The following PLCH1 variants were observed in gnomAD, a reference collection of about 807,000 sequenced individuals.
PLCH1 encodes 1-phosphatidylinositol 4,5-bisphosphate phosphodiesterase eta-1.
A neutral mutation model predicts 126.7 loss-of-function variants in PLCH1; 60 were observed. The ratio of observed to expected loss-of-function variants is 0.47; its 90% CI spans 0.38 to 0.59. The LOEUF is 0.59. Among genes scored for constraint, PLCH1 ranks in the 20% least tolerant of loss-of-function variants. The pLI is 0.00. For synonymous variants in PLCH1, 719 were observed against 734.9 expected (o/e 0.98, Z 0.35); for missense variants, 1,723 against 2,040.0 (o/e 0.84, Z 2.99).
intron 22 of PLCH1, chr3:155,483,349 CTTAAG>C (rs1167759856): frequency 3.6e-5 from 56 of 1,539,344 alleles, no homozygotes; most frequent in Admixed American, 6.0e-5. Flanking sequence ...TGAGGATTAC[CTTAAG>C]TTGTTTCCTA....
At chr3:155,532,037 A>G (rs895473656) in intron 10 of PLCH1, among the ~76,000 whole-genome samples, 10 of 152,226 alleles carry the variant, frequency 6.6e-5, no homozygotes, top group Admixed American at 2.0e-4. Flanking sequence ...CATTCACAAA[A>G]TGGCTAACTC....
chr3:155,701,251 G>C (rs407212), intron 2 of PLCH1, among the ~76,000 whole-genome samples: 38,567 of 152,020 alleles, frequency 0.25, 5,219 homozygotes, highest in East Asian at 0.47. Context: ...GGGATTGTGG[G>C]TAATATTCTA....
intron 2 of PLCH1, among the ~76,000 whole-genome samples, chr3:155,635,350 A>C (rs143935111): frequency 0.012 from 1,866 of 152,200 alleles, 16 homozygotes; most frequent in South Asian, 0.021. Context: ...GTAAACTTTC[A>C]AGGCTGAAAG....
At chr3:155,663,597 T>G (rs1279971723) in intron 2 of PLCH1, among the ~76,000 whole-genome samples, 1 of 152,184 alleles carries the variant, frequency 6.6e-6, no homozygotes, top group Non-Finnish European at 1.5e-5. Flanking sequence ...GTAGGAAACA[T>G]TTACCCATTC....
intron 1 of PLCH1, among the ~76,000 whole-genome samples, chr3:155,715,741 T>C (rs1254710990): frequency 6.6e-6 from 1 of 151,218 alleles, no homozygotes; most frequent in South Asian, 2.1e-4. Flanking sequence ...GCCTTCCAAG[T>C]AACTAGAACT....
At chr3:155,458,771 T>C (rs73874804) in intron 21 of PLCH1, among the ~76,000 whole-genome samples, 7,628 of 152,264 alleles carry the variant, frequency 0.05, 326 homozygotes, top group African/African-American at 0.12. Flanking sequence ...TGAGATGCGA[T>C]GGTTTTATTT....
At chr3:155,456,506 C>G (rs779420600) in intron 21 of PLCH1, among the ~76,000 whole-genome samples, 35 of 152,182 alleles carry the variant, frequency 2.3e-4, no homozygotes, top group Non-Finnish European at 4.3e-4. Flanking sequence ...CATTCCCTAC[C>G]TGGGCAACCT....
chr3:155,720,391 TA>T (rs1747859897), intron 1 of PLCH1, among the ~76,000 whole-genome samples: 1 of 152,140 alleles, frequency 6.6e-6, no homozygotes, highest in African/African-American at 2.4e-5. Context: ...ATTATTTTTT[TA>T]TTTTTTTATT....
intron 2 of PLCH1, among the ~76,000 whole-genome samples, chr3:155,612,534 C>CA (rs112554702): frequency 1.7e-4 from 26 of 149,066 alleles, no homozygotes; most frequent in East Asian, 3.9e-4. Flanking sequence ...TAACAAACAA[C>CA]AAAAAAAAAA....
chr3:155,673,254 C>T (rs1158399835), intron 2 of PLCH1, among the ~76,000 whole-genome samples: 1 of 151,892 alleles, frequency 6.6e-6, no homozygotes, highest in African/African-American at 2.4e-5. Context: ...TACTCAGGTA[C>T]CACTGGAATG....
intron 21 of PLCH1, among the ~76,000 whole-genome samples, chr3:155,451,526 T>C (rs979136224): frequency 1.3e-5 from 2 of 152,172 alleles, no homozygotes; most frequent in Admixed American, 1.3e-4. Context: ...ACATTACTTA[T>C]GGGAATGTCT....
chr3:155,688,229 G>A (rs1018170684), intron 2 of PLCH1, among the ~76,000 whole-genome samples: 1 of 152,110 alleles, frequency 6.6e-6, no homozygotes, highest in African/African-American at 2.4e-5. Context: ...ACACACAGAG[G>A]CCCTGAAATG....
At chr3:155,684,909 T>C (rs539918124) in intron 2 of PLCH1, among the ~76,000 whole-genome samples, 1 of 152,318 alleles carries the variant, frequency 6.6e-6, no homozygotes, top group African/African-American at 2.4e-5. Flanking sequence ...TCTTCTCATA[T>C]TATTTCCCCC....
At chr3:155,655,013 C>T (rs1000165532) in intron 2 of PLCH1, among the ~76,000 whole-genome samples, 1 of 152,202 alleles carries the variant, frequency 6.6e-6, no homozygotes, top group Non-Finnish European at 1.5e-5. Context: ...TGTCACAGGG[C>T]CTTTGCACTT....
intron 1 of PLCH1, among the ~76,000 whole-genome samples, chr3:155,705,584 A>G (rs536504769): frequency 6.6e-6 from 1 of 152,306 alleles, no homozygotes; most frequent in Non-Finnish European, 1.5e-5. Context: ...TTTAGAAAGT[A>G]TTTTTAGTTA....
intron 2 of PLCH1, among the ~76,000 whole-genome samples, chr3:155,637,929 T>C (rs6441003): frequency 0.51 from 76,818 of 151,992 alleles, 22,266 homozygotes; most frequent in African/African-American, 0.78. Flanking sequence ...CTGACATCCC[T>C]GGGTGCACTA....
At chr3:155,634,913 A>G (rs1361693705) in intron 2 of PLCH1, among the ~76,000 whole-genome samples, 3 of 152,162 alleles carry the variant, frequency 2.0e-5, no homozygotes, top group Non-Finnish European at 2.9e-5. Flanking sequence ...TCCATATGGC[A>G]AGAGTGGTTC....
chr3:155,551,684 CAAAAAAAAAAA>C (rs35872401), intron 9 of PLCH1, among the ~76,000 whole-genome samples: 5 of 87,002 alleles, frequency 5.7e-5, no homozygotes, highest in East Asian at 3.1e-4. Flanking sequence ...AGCTCTCTAC[CAAAAAAAAAAA>C]AAAAAAAAAA....
At chr3:155,699,853 T>C (rs984861509) in intron 2 of PLCH1, among the ~76,000 whole-genome samples, 32 of 93,546 alleles carry the variant, frequency 3.4e-4, no homozygotes, top group Admixed American at 7.1e-4. Context: ...CACACACCAC[T>C]ACCTCTCTCC....
Sources: gnomAD v4.1 joint callset for allele counts (sites outside exome capture counted in the v4.1 genomes callset) on GRCh38, gnomAD v4.1.1 for gene constraint, MANE v1.5 for transcripts, NCBI Gene and HGNC (gene_info 2026-07-23, HGNC 2026-07-21) for gene names.